DNM1L: variants seen among roughly 807,000 people sequenced by gnomAD.
DNM1L encodes the protein dynamin 1L.
DNM1L carries 33 observed loss-of-function variants against 92.8 expected under a neutral mutation model. The ratio of observed to expected loss-of-function variants is 0.36; its 90% CI spans 0.27 to 0.48. The LOEUF (loss-of-function observed/expected upper bound fraction) is 0.48, where lower values mean the gene tolerates loss of function less well. DNM1L is among the 20% of genes least tolerant of loss of function. DNM1L has a pLI of 0.99. For missense variants in DNM1L, 485 were observed against 888.8 expected (o/e 0.55, Z 5.78); for synonymous variants, 284 against 305.0 (o/e 0.93, Z 0.72).
At chr12:32,733,355 C>A in intron 12 of DNM1L, 1 of 226,788 alleles carries the variant, frequency 4.4e-6, no homozygotes, top group East Asian at 1.3e-4. Flanking sequence ...AAAAAAGTGA[C>A]AGGGAATAGT....
rs1954990184 is a variant in DNM1L at position 32,737,710 on chromosome 12, GA to G, written c.1597-152del. 4.5e-6 allele frequency: 3 copies of G among 659,574 alleles called. No individual in the cohort carries two copies. The South Asian group carries it at 5.2e-5, about 11-fold the overall frequency. The allele number at this position is 659,574 out of a possible 1,614,324, so 40.9% of individuals were successfully genotyped here. A position where few individuals can be genotyped will look rare whatever the true frequency, so the allele number is the denominator to read the frequency against. ...TTTAACAAAGGTGACAATGGTGAAG[GA>G]AATAAGGCAGAATAAACAATCTCCC... On this transcript the variant is annotated intron_variant, in intron 14 of 19. Transcript: ENST00000549701.
At chr12:32,700,215 G>A (rs994910967) in intron 1 of DNM1L, among the ~76,000 whole-genome samples, 3 of 152,006 alleles carry the variant, frequency 2.0e-5, no homozygotes, top group African/African-American at 7.2e-5. Flanking sequence ...CACCTCCCGG[G>A]TTCAAGCAAT....
chr12:32,690,572 A>G (rs1952191109), intron 1 of DNM1L, among the ~76,000 whole-genome samples: 1 of 152,210 alleles, frequency 6.6e-6, no homozygotes, highest in Non-Finnish European at 1.5e-5. Flanking sequence ...AAAGTTGAAG[A>G]CTACTGGGTT....
At chr12:32,700,782 T>G (rs1208279402) in intron 1 of DNM1L, among the ~76,000 whole-genome samples, 2 of 152,008 alleles carry the variant, frequency 1.3e-5, no homozygotes, top group Admixed American at 6.6e-5. Flanking sequence ...GAAAAAGATA[T>G]GCATTACTGT....
At chr12:32,730,229 T>A (rs1340575758) in intron 9 of DNM1L, among the ~76,000 whole-genome samples, 1 of 152,132 alleles carries the variant, frequency 6.6e-6, no homozygotes, top group Non-Finnish European at 1.5e-5. Flanking sequence ...GTGGGCATGG[T>A]GGCACATGCC....
intron 18 of DNM1L, among the ~76,000 whole-genome samples, chr12:32,741,678 T>C (rs752601746): frequency 1.3e-5 from 2 of 152,246 alleles, no homozygotes; most frequent in African/African-American, 2.4e-5. Flanking sequence ...CGTATTTGAA[T>C]GTGTTCCCGT....
At chr12:32,699,249 A>T (rs1952599323) in intron 1 of DNM1L, among the ~76,000 whole-genome samples, 1 of 152,208 alleles carries the variant, frequency 6.6e-6, no homozygotes, top group Non-Finnish European at 1.5e-5. Flanking sequence ...TTATGTTAAG[A>T]TATATGAGTA....
chr12:32,696,382 A>AC (rs1491147970), intron 1 of DNM1L, among the ~76,000 whole-genome samples: 36 of 92,448 alleles, frequency 3.9e-4, no homozygotes, highest in Admixed American at 6.4e-4. Flanking sequence ...ACACACACAC[A>AC]AACACACACA....
intron 1 of DNM1L, among the ~76,000 whole-genome samples, chr12:32,685,232 C>G (rs987570194): frequency 6.6e-6 from 1 of 151,960 alleles, no homozygotes; most frequent in Non-Finnish European, 1.5e-5. Context: ...CCACCGCGCC[C>G]GGTCAGTGAA....
At chr12:32,717,881 ATATT>A (rs553584634) in intron 6 of DNM1L, among the ~76,000 whole-genome samples, 1,167 of 86,536 alleles carry the variant, frequency 0.013, 51 homozygotes, top group African/African-American at 0.054. Flanking sequence ...TATACTATAT[ATATT>A]TATATATACT....
rs1434554790 is a variant in DNM1L, at chr12:32,718,653, C to G, written c.630C>G (p.Thr210=). The G allele has an allele frequency of 6.2e-7, 1 of 1,613,584 alleles. No homozygotes were observed. Among genetic ancestry groups the G allele is most frequent in the African/African-American group, 1.3e-5 (1 of 74,832 alleles). Residue 210 remains threonine (T), a synonymous_variant, in exon 7 of 20, where the codon ACC becomes ACG. Transcript: ENST00000549701. ...TTTTGCATTTACCAGGTCGCAGAAC[C>G]CTAGCTGTAATCACTAAACTTGATC... ...SREVDPDGRR[T]LAVITKLDLM... is the part of the protein sequence containing the mutation.
At chr12:32,713,164 T>G in intron 5 of DNM1L, 45 bp from the exon 6 acceptor site, 1 of 1,608,272 alleles carries the variant, frequency 6.2e-7, no homozygotes, top group Non-Finnish European at 8.5e-7. Flanking sequence ...AAAAGCTGAG[T>G]TGATTTTTAA....
chr12:32,720,887 T>C lies in DNM1L; in HGVS notation c.872+92T>C, dbSNP rs1350308814. On this transcript the variant is annotated intron_variant, in intron 8 of 19. Transcript: ENST00000549701. ...TTTTCAGTTCCTTACATTTTCATAC[T>C]GTTCCTAACAGCTTCACTTATGGTT... 17 of 1,509,670 alleles carry C rather than the reference T, an allele frequency of 1.1e-5. No individual in the cohort carries two copies. The Admixed American group carries it at 2.9e-4, about 26-fold the overall frequency. The allele number at this position is 1,509,670 out of a possible 1,614,324, so 93.5% of individuals were successfully genotyped here.
chr12:32,724,653 AAT>A (rs201795619), intron 9 of DNM1L, among the ~76,000 whole-genome samples: 38 of 142,720 alleles, frequency 2.7e-4, no homozygotes, highest in East Asian at 1.2e-3. Flanking sequence ...TTAAATATTT[AAT>A]ATATATATAA....
intron 1 of DNM1L, 170 bp downstream of exon 1, chr12:32,679,635 G>A: frequency 7.5e-7 from 1 of 1,329,528 alleles, no homozygotes; most frequent in Non-Finnish European, 9.6e-7. Context: ...TGCCGCACCC[G>A]CCCTCCCGGG....
chr12:32,738,040 G>A, intron 15 of DNM1L, 98 bp downstream of exon 15: 11 of 1,351,676 alleles, frequency 8.1e-6, no homozygotes, highest in Non-Finnish European at 1.2e-5. Context: ...ATTAATATGG[G>A]ATACTGTGCT....
intron 4 of DNM1L, among the ~76,000 whole-genome samples, 193 bp from the exon 5 acceptor site, chr12:32,710,736 T>C (rs1953095264): frequency 6.6e-6 from 1 of 152,134 alleles, no homozygotes; most frequent in Admixed American, 6.5e-5. Flanking sequence ...GGGATAGAAG[T>C]AGGATTATAA....
intron 19 of DNM1L, 140 bp downstream of exon 19, chr12:32,742,888 C>CT (rs36039451): frequency 0.071 from 17,158 of 243,210 alleles, 359 homozygotes; most frequent in South Asian, 0.085. Flanking sequence ...TGATAAGAAT[C>CT]TTTTTTTTTT....
At chr12:32,727,678 C>A (rs144879217) in intron 9 of DNM1L, among the ~76,000 whole-genome samples, 1 of 152,328 alleles carries the variant, frequency 6.6e-6, no homozygotes, top group East Asian at 1.9e-4. Flanking sequence ...GGAATCATTT[C>A]TCAAATCATG....
Sources: gnomAD v4.1 joint callset for allele counts (sites outside exome capture counted in the v4.1 genomes callset) on GRCh38, gnomAD v4.1.1 for gene constraint, MANE v1.5 for transcripts, NCBI Gene and HGNC (gene_info 2026-07-23, HGNC 2026-07-21) for gene names.